Variants in COBLL1 observed in about 807,000 individuals in gnomAD.
COBLL1 encodes cordon-bleu WH2 repeat protein like 1.
COBLL1 carries 50 observed loss-of-function variants against 94.8 expected under a neutral mutation model. The observed-to-expected ratio is 0.53, with a 90% CI of 0.42 to 0.67. The LOEUF (loss-of-function observed/expected upper bound fraction) is 0.67, where lower values mean the gene tolerates loss of function less well. Among genes scored for constraint, COBLL1 ranks in the 30% least tolerant of loss-of-function variants. COBLL1 has a pLI of 0.00. For synonymous variants in COBLL1, 448 were observed against 473.8 expected, an observed-to-expected ratio of 0.95 and a Z score of 0.71; for missense variants, 1,362 against 1,348.7, an observed-to-expected ratio of 1.01 and a Z score of -0.15.
rs551874655 is a variant in COBLL1, at chr2:164,713,588, T to C, written c.997-8483A>G. Among the ~76,000 whole-genome samples, 5 of 152,318 alleles carry C rather than the reference T, an allele frequency of 3.3e-5. No individual in the cohort carries two copies. In the South Asian group the frequency reaches 1.0e-3, roughly 32 times the overall value. Reference sequence around the variant, plus strand: ...GGCCAAGCTTGCCACTAGATTTCTCTTAAAGTCATCTACTTTAAAACTCAT... The same window carrying C: ...GGCCAAGCTTGCCACTAGATTTCTCCTAAAGTCATCTACTTTAAAACTCAT... On this transcript the variant is annotated intron_variant, in intron 7 of 13. Coordinates refer to ENST00000652658, the MANE Select transcript of COBLL1 (RefSeq NM_001365672.2).
At chr2:164,822,734 ATATTAT>A (rs199529383) in intron 2 of COBLL1, among the ~76,000 whole-genome samples, 21,839 of 139,022 alleles carry the variant, frequency 0.16, 1,434 homozygotes, top group Middle Eastern at 0.17. Flanking sequence ...AGATTATATT[ATATTAT>A]TATTATTATT....
At position 164,841,354 on chromosome 2, in the gene COBLL1, G is replaced by A; in HGVS notation, c.-50-108C>T. 2 of 1,193,458 alleles carry A rather than the reference G, an allele frequency of 1.7e-6. No individual in the cohort carries two copies. Among genetic ancestry groups the A allele is most frequent in the South Asian group, 4.2e-5 (1 of 23,628 alleles). 73.9% of individuals were successfully genotyped at this position (1,193,458 alleles called of 1,614,324 possible). A position where few individuals can be genotyped will look rare whatever the true frequency, so the allele number is the denominator to read the frequency against. On this transcript the variant is annotated intron_variant, in intron 1 of 13. Transcript: ENST00000652658. The surrounding 1 kb of genome is among the most constrained non-coding windows in gnomAD (Gnocchi z 5.5). ...CGCCCGAGCCGCTCCAGCCCCGGCC[G>A]GCCCGCCTCCCGGGTGCGCTTCCAC...
At chr2:164,718,091 G>T in intron 7 of COBLL1, 3 of 203,128 alleles carry the variant, frequency 1.5e-5, no homozygotes, top group Non-Finnish European at 2.6e-5. Context: ...CCAGATATAT[G>T]AATGACATAC....
At chr2:164,752,771 G>A (rs1687192451) in intron 2 of COBLL1, among the ~76,000 whole-genome samples, 1 of 152,114 alleles carries the variant, frequency 6.6e-6, no homozygotes. Flanking sequence ...TGAGGTTGGA[G>A]AAACAATATA....
intron 7 of COBLL1, among the ~76,000 whole-genome samples, chr2:164,711,398 G>A (rs1684892278): frequency 6.6e-6 from 1 of 152,158 alleles, no homozygotes. Flanking sequence ...TCTGGTGACT[G>A]TGTTGGTAAG....
rs1013148310 is a variant in COBLL1 at position 164,713,861 on chromosome 2, G to A, written c.996+8214C>T. 3.3e-5 allele frequency among the ~76,000 whole-genome samples: 5 copies of A among 152,130 alleles called. No individual in the cohort carries two copies. The East Asian group carries it at 5.8e-4, about 18-fold the overall frequency. ...GATTAGACACCGTCATCTCGTTAAC[G>A]TTGATCAAACCAAAACAAGCACGTT... On this transcript the variant is annotated intron_variant, in intron 7 of 13. Transcript: ENST00000652658.
intron 2 of COBLL1, among the ~76,000 whole-genome samples, chr2:164,801,438 CAAAAAAAAAAAAAAAAAA>C (rs143505097): frequency 1.4e-4 from 4 of 28,182 alleles, no homozygotes; most frequent in Non-Finnish European, 1.9e-4. Context: ...GACTCCGTCT[CAAAAAAAAAAAAAAAAAA>C]AAAAAAAAAA....
At chr2:164,709,718 A>AAAAT (rs957005692) in intron 7 of COBLL1, among the ~76,000 whole-genome samples, 27 of 152,144 alleles carry the variant, frequency 1.8e-4, no homozygotes, top group Admixed American at 5.9e-4. Context: ...ACTCCATCTC[A>AAAAT]AAATAAATAA....
At chr2:164,691,459 G>A (rs116821480) in intron 13 of COBLL1, among the ~76,000 whole-genome samples, 1,717 of 152,242 alleles carry the variant, frequency 0.011, 18 homozygotes, top group Non-Finnish European at 0.019. Flanking sequence ...AGATGCGGAG[G>A]TGCTTCCAAC....
At chr2:164,760,299 TTACA>T (rs1216022331) in intron 2 of COBLL1, among the ~76,000 whole-genome samples, 2 of 152,008 alleles carry the variant, frequency 1.3e-5, no homozygotes, top group Admixed American at 1.3e-4. Context: ...TCTCAAGGAG[TTACA>T]TACTGTATGG....
intron 2 of COBLL1, among the ~76,000 whole-genome samples, chr2:164,745,591 A>T (rs570379104): frequency 6.6e-6 from 1 of 152,322 alleles, no homozygotes; most frequent in African/African-American, 2.4e-5. Context: ...ATTGACAGGC[A>T]GGCAAAATTA....
intron 7 of COBLL1, among the ~76,000 whole-genome samples, chr2:164,721,058 G>A (rs1273842243): frequency 6.6e-6 from 1 of 152,212 alleles, no homozygotes; most frequent in Non-Finnish European, 1.5e-5. Context: ...ATCTCTTTGA[G>A]TTGCATGTAT....
intron 9 of COBLL1, among the ~76,000 whole-genome samples, chr2:164,703,378 A>G (rs551626367): frequency 1.3e-5 from 2 of 152,322 alleles, no homozygotes; most frequent in Non-Finnish European, 2.9e-5. Flanking sequence ...ATGAAGAAAA[A>G]CAGATATGAA....
At chr2:164,796,184 A>G (rs1044852945) in intron 2 of COBLL1, among the ~76,000 whole-genome samples, 3 of 152,244 alleles carry the variant, frequency 2.0e-5, no homozygotes, top group Non-Finnish European at 4.4e-5. Flanking sequence ...ATCTCCTGAA[A>G]AAAAGAGTCA....
downstream of COBLL1, among the ~76,000 whole-genome samples, chr2:164,679,274 T>C (rs560282747): frequency 6.6e-6 from 1 of 152,268 alleles, no homozygotes; most frequent in East Asian, 1.9e-4. Flanking sequence ...CAACACCTCG[T>C]ACAAATTACC....
intron 2 of COBLL1, among the ~76,000 whole-genome samples, chr2:164,819,682 G>C (rs1175505598): frequency 1.3e-5 from 2 of 152,056 alleles, no homozygotes; most frequent in African/African-American, 4.8e-5. Context: ...CTTGGGTCCA[G>C]GTTTTCACTG....
At chr2:164,815,390 T>G (rs1684676645) in intron 2 of COBLL1, among the ~76,000 whole-genome samples, 1 of 128,140 alleles carries the variant, frequency 7.8e-6, no homozygotes, top group African/African-American at 3.5e-5. Flanking sequence ...CAGAGTGATA[T>G]CCTATCTCAA....
intron 10 of COBLL1, among the ~76,000 whole-genome samples, chr2:164,700,275 C>T (rs967225515): frequency 2.0e-5 from 3 of 152,024 alleles, no homozygotes; most frequent in Non-Finnish European, 2.9e-5. Flanking sequence ...ATTTTTGAAT[C>T]ACACAAACTA....
intron 2 of COBLL1, among the ~76,000 whole-genome samples, chr2:164,765,602 A>G (rs1227241304): frequency 1.3e-5 from 2 of 152,178 alleles, no homozygotes; most frequent in Admixed American, 6.5e-5. Flanking sequence ...CTAAAGCAAA[A>G]TTGGCAAAGC....
Sources: allele counts gnomAD v4.1 joint callset (sites outside exome capture counted in the v4.1 genomes callset), GRCh38; gene constraint gnomAD v4.1.1; non-coding constraint Gnocchi (gnomAD v3.1); transcripts MANE v1.5; gene names NCBI Gene and HGNC (gene_info 2026-07-23, HGNC 2026-07-21).